SNX10: variants seen among roughly 807,000 people sequenced by gnomAD.
SNX10 encodes the protein sorting nexin 10.
In SNX10, 25 loss-of-function variants were observed where a neutral mutation model predicts 28.5. The observed-to-expected ratio is 0.88, with a 90% CI of 0.64 to 1.22. The LOEUF (loss-of-function observed/expected upper bound fraction) is 1.22, where lower values mean the gene tolerates loss of function less well. Ranked by LOEUF, SNX10 falls within the 50% of genes most tolerant of loss-of-function variation. The probability of loss-of-function intolerance (pLI) is 0.00; values close to 1 mark genes in which losing one functional copy is unlikely to be tolerated. For synonymous variants in SNX10, 62 were observed against 81.4 expected, an observed-to-expected ratio of 0.76 and a Z score of 1.28; for missense variants, 223 against 242.6, an observed-to-expected ratio of 0.92 and a Z score of 0.54.
intron 1 of SNX10, among the ~76,000 whole-genome samples, chr7:26,301,858 T>C (rs1219308680): frequency 1.3e-5 from 2 of 152,174 alleles, no homozygotes; most frequent in African/African-American, 2.4e-5. Flanking sequence ...AGTCCCACCA[T>C]TGAGTTTGCT....
rs138795959 is a variant in SNX10, at chr7:26,329,588, G to C, written c.-23-16832G>C. ...CTGGGATCTTCTCTCCTGAACCCTG[G>C]ATTCCCACTCAACAAGCGTTAGTTT... On this transcript the variant is annotated intron_variant, in intron 1 of 6. Coordinates refer to ENST00000338523, the MANE Select transcript of SNX10 (RefSeq NM_013322.3). Among the ~76,000 whole-genome samples, 425 of 152,274 alleles carry C rather than the reference G, an allele frequency of 2.8e-3. 5 individuals are homozygous for C. Among genetic ancestry groups the C allele is most frequent in the Middle Eastern group, 0.02 (6 of 294 alleles).
chr7:26,337,256 G>A (rs576891416), intron 1 of SNX10, among the ~76,000 whole-genome samples: 1 of 152,278 alleles, frequency 6.6e-6, no homozygotes, highest in South Asian at 2.1e-4. Context: ...AGAAACACAT[G>A]AAATTTGCAA....
intron 1 of SNX10, among the ~76,000 whole-genome samples, chr7:26,339,743 C>T (rs1179216382): frequency 6.6e-6 from 1 of 151,686 alleles, no homozygotes; most frequent in East Asian, 1.9e-4. Context: ...GACGGGGTTT[C>T]ACCATATTGG....
At position 26,374,318 on chromosome 7, in the gene SNX10, A is replaced by G. The variant is rs1177759433; in HGVS notation, c.*1746A>G. 6.6e-6 allele frequency: 1 copy of G among 151,972 alleles called. No homozygotes were observed. The highest frequency in any genetic ancestry group is 1.9e-4 in the East Asian group (1 of 5,200). The allele number at this position is 151,972 out of a possible 1,614,324, so 9.4% of individuals were successfully genotyped here. A position where few individuals can be genotyped will look rare whatever the true frequency, so the allele number is the denominator to read the frequency against. On this transcript the variant is annotated 3_prime_UTR_variant, in exon 7 of 7. Transcript: ENST00000338523. ...CGAGATCATTTTTACATTAAACGTG[A>G]AAAAAAATCAACTTTGCCGGATCAC...
intron 1 of SNX10, among the ~76,000 whole-genome samples, chr7:26,311,212 A>G (rs1584101498): frequency 6.6e-6 from 1 of 152,300 alleles, no homozygotes; most frequent in East Asian, 1.9e-4. Context: ...ATGCAGTGTC[A>G]GGATCTCAGC....
intron 1 of SNX10, among the ~76,000 whole-genome samples, chr7:26,316,955 T>C (rs1787118246): frequency 6.6e-6 from 1 of 152,214 alleles, no homozygotes; most frequent in African/African-American, 2.4e-5. Flanking sequence ...TTTCTGATGG[T>C]AGTCAATCTT....
intron 1 of SNX10, among the ~76,000 whole-genome samples, chr7:26,301,779 A>T (rs1478246131): frequency 2.6e-5 from 4 of 152,236 alleles, no homozygotes; most frequent in African/African-American, 9.6e-5. Context: ...ACTTGAACAA[A>T]TGGAGGAGAC....
intron 2 of SNX10, among the ~76,000 whole-genome samples, chr7:26,351,537 C>G (rs1388949373): frequency 6.6e-6 from 1 of 151,734 alleles, no homozygotes; most frequent in African/African-American, 2.4e-5. Context: ...CTGTCATAGC[C>G]AAGAGGAGCC....
intron 2 of SNX10, among the ~76,000 whole-genome samples, chr7:26,351,712 A>C (rs773469337): frequency 2.3e-4 from 29 of 128,496 alleles, no homozygotes; most frequent in East Asian, 9.8e-4. Context: ...GCTGGAGTGC[A>C]GTGGTGCGAT....
chr7:26,301,651 A>G (rs561808536), intron 1 of SNX10, among the ~76,000 whole-genome samples: 1 of 152,210 alleles, frequency 6.6e-6, no homozygotes, highest in African/African-American at 2.4e-5. Context: ...GGAAACATCT[A>G]TTTAGTACTC....
At chr7:26,323,321 G>A (rs975734935) in intron 1 of SNX10, among the ~76,000 whole-genome samples, 3 of 152,118 alleles carry the variant, frequency 2.0e-5, no homozygotes, top group Admixed American at 6.6e-5. Context: ...GGGGAAAAAC[G>A]AGTTATGGTA....
At position 26,333,485 on chromosome 7, in the gene SNX10, G is replaced by A. The variant is rs973604843; in HGVS notation, c.-23-12935G>A. Among the ~76,000 whole-genome samples, 16 of 151,780 alleles carry A rather than the reference G, an allele frequency of 1.1e-4. No homozygotes were observed. In the East Asian group the frequency reaches 1.5e-3, roughly 15 times the overall value. ...ACTACAGGTGCCCGCCACCGCACCC[G>A]GCTAATTTTTTTGTATTTTTAGTAG... On this transcript the variant is annotated intron_variant, in intron 1 of 6. Coordinates refer to ENST00000338523, the MANE Select transcript of SNX10 (RefSeq NM_013322.3).
At chr7:26,361,125 T>C in intron 3 of SNX10, 64 bp downstream of exon 3, 2 of 1,482,116 alleles carry the variant, frequency 1.3e-6, no homozygotes, top group Non-Finnish European at 1.8e-6. Flanking sequence ...TTTTATGGGA[T>C]AAAGTTGACA....
At chr7:26,361,177 A>G (rs2128022031) in intron 3 of SNX10, 116 bp downstream of exon 3, 1 of 1,011,996 alleles carries the variant, frequency 9.9e-7, no homozygotes, top group East Asian at 2.8e-5. Context: ...AATTTGAATG[A>G]TTACAACTAA....
At chr7:26,371,759 T>C in intron 5 of SNX10, 62 bp from the exon 6 acceptor site, 1 of 1,172,086 alleles carries the variant, frequency 8.5e-7, no homozygotes. Context: ...TGTTTTTCTT[T>C]CTTCTACCCT....
intron 1 of SNX10, 101 bp downstream of exon 1, chr7:26,292,187 G>A (rs1265096849): frequency 6.6e-6 from 1 of 152,330 alleles, no homozygotes; most frequent in Admixed American, 6.5e-5. Flanking sequence ...GCTGTTCCCA[G>A]GTGCCCGCAC....
intron 1 of SNX10, among the ~76,000 whole-genome samples, chr7:26,315,899 T>G (rs778323531): frequency 9.2e-5 from 14 of 151,750 alleles, no homozygotes; most frequent in Non-Finnish European, 1.5e-4. Flanking sequence ...ATACCTAGAG[T>G]TGGCTGGGCG....
At chr7:26,301,686 G>A (rs992240305) in intron 1 of SNX10, among the ~76,000 whole-genome samples, 12 of 152,136 alleles carry the variant, frequency 7.9e-5, no homozygotes, top group Non-Finnish European at 1.6e-4. Flanking sequence ...CACTGTCCTG[G>A]GTACTTCAGT....
At chr7:26,301,019 CAAAAAAAAAAAA>C (rs1170123330) in intron 1 of SNX10, among the ~76,000 whole-genome samples, 5 of 9,994 alleles carry the variant, frequency 5.0e-4, no homozygotes, top group African/African-American at 9.2e-4. Context: ...ACTCTGTCTC[CAAAAAAAAAAAA>C]AAAAAAAAAA....
Sources: allele counts gnomAD v4.1 joint callset (sites outside exome capture counted in the v4.1 genomes callset), GRCh38; gene constraint gnomAD v4.1.1; transcripts MANE v1.5; gene names NCBI Gene and HGNC (gene_info 2026-07-23, HGNC 2026-07-21).